ANKRD26: variants seen among roughly 807,000 people sequenced by gnomAD.
ANKRD26 encodes ankyrin repeat domain-containing protein 26.
ANKRD26 carries 141 observed loss-of-function variants against 208.7 expected under a neutral mutation model. The ratio of observed to expected loss-of-function variants is 0.68; its 90% CI spans 0.59 to 0.78. The LOEUF (loss-of-function observed/expected upper bound fraction) is 0.78. ANKRD26 is among the 30% of genes least tolerant of loss of function. ANKRD26 has a pLI of 0.00. For missense variants in ANKRD26, 1,889 were observed against 1,938.7 expected, an observed-to-expected ratio of 0.97 and a Z score of 0.48; for synonymous variants, 636 against 660.4, an observed-to-expected ratio of 0.96 and a Z score of 0.57.
At chr10:27,027,451 T>C (rs996454661) in intron 27 of ANKRD26, among the ~76,000 whole-genome samples, 3 of 152,200 alleles carry the variant, frequency 2.0e-5, no homozygotes, top group Admixed American at 6.5e-5. Context: ...ACTCAGACAA[T>C]TGTACACCAT....
chr10:27,032,770 G>A (rs1030810094), intron 25 of ANKRD26, among the ~76,000 whole-genome samples: 4 of 151,634 alleles, frequency 2.6e-5, no homozygotes, highest in Non-Finnish European at 5.9e-5. Context: ...AGCTGAGACA[G>A]TGCCACTGTA....
intron 32 of ANKRD26, 70 bp from the exon 33 acceptor site, chr10:27,007,032 CACTT>C: frequency 1.7e-6 from 2 of 1,194,268 alleles, no homozygotes; most frequent in East Asian, 4.7e-5. Flanking sequence ...AATGATGTAT[CACTT>C]ACAAAATGTG....
At chr10:27,055,584 C>T (rs1270067310) in intron 15 of ANKRD26, among the ~76,000 whole-genome samples, 1 of 152,152 alleles carries the variant, frequency 6.6e-6, no homozygotes, top group African/African-American at 2.4e-5. Context: ...TGCAGTTAAT[C>T]AACAGACTGG....
chr10:27,036,980 T>C (rs2054065377), intron 23 of ANKRD26, among the ~76,000 whole-genome samples: 1 of 152,154 alleles, frequency 6.6e-6, no homozygotes, highest in Non-Finnish European at 1.5e-5. Flanking sequence ...ATGTCATTAC[T>C]TGACTGCTGC....
intron 1 of ANKRD26, among the ~76,000 whole-genome samples, chr10:27,097,229 A>G (rs547935935): frequency 6.6e-5 from 10 of 151,764 alleles, no homozygotes; most frequent in African/African-American, 2.4e-4. Context: ...TAATCTCAGC[A>G]CTTTGGGAGG....
At chr10:26,977,471 A>G (rs2052244613) in intron 5 of ANKRD26, among the ~76,000 whole-genome samples, 1 of 152,210 alleles carries the variant, frequency 6.6e-6, no homozygotes, top group East Asian at 1.9e-4. Flanking sequence ...AGAAGATATA[A>G]TATTTTCTCT....
At chr10:27,032,327 C>T (rs920014373) in intron 25 of ANKRD26, among the ~76,000 whole-genome samples, 2 of 151,676 alleles carry the variant, frequency 1.3e-5, no homozygotes, top group African/African-American at 4.8e-5. Context: ...GGTGAAACCC[C>T]ATCTCTATTA....
At chr10:27,009,985 C>A (rs573296453) in intron 32 of ANKRD26, among the ~76,000 whole-genome samples, 1 of 152,298 alleles carries the variant, frequency 6.6e-6, no homozygotes, top group Admixed American at 6.5e-5. Context: ...AGTTTTCAAA[C>A]TATGTCCCAC....
intron 20 of ANKRD26, among the ~76,000 whole-genome samples, chr10:27,042,010 T>C (rs556115633): frequency 1.3e-5 from 2 of 151,646 alleles, no homozygotes; most frequent in South Asian, 4.2e-4. Flanking sequence ...CTATAAATCC[T>C]AAAGCAACCA....
In ANKRD26 at chr10:27,048,675, C is replaced by T. The variant is rs1042032857; in HGVS notation, c.1814+126G>A. The T allele has an allele frequency of 3.2e-5, 29 of 909,114 alleles. No homozygotes were observed. In the African/African-American group the frequency reaches 4.6e-4, roughly 14 times the overall value. The allele number at this position is 909,114 out of a possible 1,614,324, so 56.3% of individuals were successfully genotyped here. ...TTGCTAATTTGCATTTTTCTAATTG[C>T]AAGGCAAGGTTGCATATCCCTTGCA... On this transcript the variant is annotated intron_variant, in intron 17 of 33. Coordinates refer to ENST00000376087, the MANE Select transcript of ANKRD26 (RefSeq NM_014915.3).
chr10:26,983,651 T>A (rs556159099), intron 3 of ANKRD26, among the ~76,000 whole-genome samples: 2 of 152,222 alleles, frequency 1.3e-5, no homozygotes, highest in African/African-American at 4.8e-5. Flanking sequence ...CATCCCAAAT[T>A]TGCATTACCC....
chr10:26,949,486 GTTATA>G, the ANKRD26 span, among the ~76,000 whole-genome samples: 1 of 151,722 alleles, frequency 6.6e-6, no homozygotes, highest in African/African-American at 2.4e-5. Flanking sequence ...TTATCTTATA[GTTATA>G]TTAATTAATT....
chr10:26,987,323 T>TA (rs2052407185), downstream of ANKRD26, among the ~76,000 whole-genome samples: 1 of 152,178 alleles, frequency 6.6e-6, no homozygotes, highest in Admixed American at 6.5e-5. Context: ...GAGATATACC[T>TA]AATGTTAAAT....
In ANKRD26 at chr10:27,046,395, T is replaced by C. The variant is rs2054446344; in HGVS notation, c.1943A>G (p.Asp648Gly). 1.9e-6 allele frequency: 3 copies of C among 1,614,026 alleles called. No homozygotes were observed. Among genetic ancestry groups the C allele is most frequent in the Non-Finnish European group, 2.5e-6 (3 of 1,180,026 alleles). Reference protein sequence around the residue: ...SLLTGGLLQVDDDSSLSEIDE... With the variant: ...SLLTGGLLQVGDDSSLSEIDE... Reference sequence around the variant, plus strand: ...TATTTCACTTAAACTGCTGTCATCATCCACTTGTAGCAGGCCACCAGTTAG... The same window carrying C: ...TATTTCACTTAAACTGCTGTCATCACCCACTTGTAGCAGGCCACCAGTTAG... The change falls in exon 18 of 34, where the codon GAT becomes GGT. Residue 648 changes from aspartate to glycine, a missense_variant. Asp to Gly is a moderately conservative substitution (Grantham distance 94). Around this residue, in one of 3 missense-constraint regions of ANKRD26, gnomAD observed 1,272 missense variants for 1,273.8 expected, o/e 1.00. Coordinates refer to ENST00000376087, the MANE Select transcript of ANKRD26 (RefSeq NM_014915.3).
At chr10:27,016,579 G>GTTTT (rs71281566) in intron 30 of ANKRD26, among the ~76,000 whole-genome samples, 2 of 145,760 alleles carry the variant, frequency 1.4e-5, no homozygotes, top group East Asian at 4.0e-4. Flanking sequence ...GCCCAGCTTT[G>GTTTT]TTTTTTTTTT....
downstream of ANKRD26, among the ~76,000 whole-genome samples, chr10:26,973,746 T>A (rs529151146): frequency 9.7e-5 from 14 of 143,764 alleles, no homozygotes; most frequent in African/African-American, 3.6e-4. Flanking sequence ...CTCTGCCTCC[T>A]GGGTTCAAGT....
intron 4 of ANKRD26, 59 bp from the exon 5 acceptor site, chr10:27,086,668 A>T: frequency 3.9e-6 from 6 of 1,534,686 alleles, no homozygotes; most frequent in Non-Finnish European, 5.3e-6. Flanking sequence ...ATATTTACCA[A>T]ATATCTCAAA....
In ANKRD26 at chr10:27,097,867, G is replaced by A. The variant is rs1331962282; in HGVS notation, c.242+2218C>T. Among the ~76,000 whole-genome samples, 11 of 152,196 alleles carry A rather than the reference G, an allele frequency of 7.2e-5. No individual in the cohort carries two copies. In the South Asian group the frequency reaches 2.3e-3, roughly 32 times the overall value. Reference sequence around the variant, plus strand: ...AGGGTTTCACTACGTTGGCCAGGATGGTCTTGAATTCCTGGACTTAAGTGA... The same window carrying A: ...AGGGTTTCACTACGTTGGCCAGGATAGTCTTGAATTCCTGGACTTAAGTGA... On this transcript the variant is annotated intron_variant, in intron 1 of 33. Coordinates refer to ENST00000376087, the MANE Select transcript of ANKRD26 (RefSeq NM_014915.3).
intron 27 of ANKRD26, among the ~76,000 whole-genome samples, chr10:27,027,380 T>C (rs527549366): frequency 2.8e-4 from 42 of 152,336 alleles, no homozygotes; most frequent in African/African-American, 9.9e-4. Flanking sequence ...TTCAGAATTG[T>C]AGATCAAGTC....
Sources: gnomAD v4.1 joint callset for allele counts (sites outside exome capture counted in the v4.1 genomes callset) on GRCh38, gnomAD v4.1.1 for gene constraint, gnomAD v4.1.1 regional missense constraint, MANE v1.5 for transcripts, NCBI Gene and HGNC (gene_info 2026-07-23, HGNC 2026-07-21) for gene names.